TENM4: variants seen among roughly 807,000 people sequenced by gnomAD.
TENM4 encodes the protein teneurin-4.
A neutral mutation model predicts 243.3 loss-of-function variants in TENM4; 82 were observed. That is an observed-to-expected ratio of 0.34 (90% confidence interval 0.28 to 0.40). TENM4 has a LOEUF of 0.40. TENM4 is among the 10% of genes least tolerant of loss of function. TENM4 has a pLI of 1.00. For synonymous variants in TENM4, 1,412 were observed against 1,456.3 expected (o/e 0.97, Z 0.69); for missense variants, 3,138 against 3,673.3 (o/e 0.85, Z 3.77).
At chr11:79,114,997 T>C (rs1861589244) in intron 4 of TENM4, among the ~76,000 whole-genome samples, 2 of 152,164 alleles carry the variant, frequency 1.3e-5, no homozygotes, top group South Asian at 2.1e-4. Context: ...GCAGATCAAG[T>C]CTGTCCCTGC....
At chr11:79,302,919 C>T (rs1856572323) in intron 1 of TENM4, among the ~76,000 whole-genome samples, 1 of 152,108 alleles carries the variant, frequency 6.6e-6, no homozygotes, top group Non-Finnish European at 1.5e-5. Context: ...TCATCTTAGG[C>T]CACTAACATA....
intron 4 of TENM4, among the ~76,000 whole-genome samples, chr11:79,103,213 G>A (rs947422565): frequency 2.0e-5 from 3 of 152,086 alleles, no homozygotes; most frequent in Admixed American, 6.5e-5. Flanking sequence ...AGGAGGGTGG[G>A]GATGCCCCCT....
chr11:79,269,375 T>C (rs1265032845), intron 2 of TENM4, among the ~76,000 whole-genome samples: 2 of 152,228 alleles, frequency 1.3e-5, no homozygotes, highest in Non-Finnish European at 2.9e-5. Flanking sequence ...AGCCAGAGAA[T>C]GTGTCTACTT....
chr11:79,358,956 T>A (rs1857544537), intron 1 of TENM4, among the ~76,000 whole-genome samples: 1 of 152,008 alleles, frequency 6.6e-6, no homozygotes, highest in Non-Finnish European at 1.5e-5. Flanking sequence ...AGGCATTTTT[T>A]TTTTTTTTTG....
intron 2 of TENM4, among the ~76,000 whole-genome samples, chr11:79,227,333 C>T (rs575069840): frequency 1.3e-5 from 2 of 152,300 alleles, no homozygotes; most frequent in South Asian, 4.1e-4. Flanking sequence ...TGTTTAGCTT[C>T]TTAGCTGTTT....
intron 20 of TENM4, 115 bp from the exon 21 acceptor site, chr11:78,732,692 C>A: frequency 8.1e-7 from 1 of 1,234,098 alleles, no homozygotes; most frequent in Non-Finnish European, 1.1e-6. Flanking sequence ...CTCAGCATTT[C>A]TTGAGGGAGG....
intron 4 of TENM4, among the ~76,000 whole-genome samples, chr11:79,143,827 C>T (rs1862342051): frequency 6.6e-6 from 1 of 151,662 alleles, no homozygotes; most frequent in Non-Finnish European, 1.5e-5. Context: ...AAATGTAAGA[C>T]CTGAAACTAG....
chr11:78,730,091 A>G (rs1210334610), intron 21 of TENM4, among the ~76,000 whole-genome samples: 1 of 152,202 alleles, frequency 6.6e-6, no homozygotes, highest in Non-Finnish European at 1.5e-5. Flanking sequence ...GTTATCCTAG[A>G]AAGCTCACGG....
At chr11:78,670,865 C>T in intron 31 of TENM4, among the ~76,000 whole-genome samples, 1 of 152,202 alleles carries the variant, frequency 6.6e-6, no homozygotes, top group East Asian at 1.9e-4. Flanking sequence ...TGGTGAGCAG[C>T]CTCGTGGGTT....
intron 18 of TENM4, among the ~76,000 whole-genome samples, chr11:78,770,509 T>C (rs1856624683): frequency 6.6e-6 from 1 of 152,234 alleles, no homozygotes; most frequent in Non-Finnish European, 1.5e-5. Flanking sequence ...GCCATTTCTA[T>C]TACAAAAGGT....
At chr11:78,776,037 T>C (rs1204280085) in intron 17 of TENM4, among the ~76,000 whole-genome samples, 1 of 152,190 alleles carries the variant, frequency 6.6e-6, no homozygotes, top group Non-Finnish European at 1.5e-5. Context: ...TTTCTCTTAC[T>C]GGTCCTCTTG....
At chr11:78,976,036 A>C (rs923459707) in intron 6 of TENM4, among the ~76,000 whole-genome samples, 4 of 152,228 alleles carry the variant, frequency 2.6e-5, no homozygotes, top group Non-Finnish European at 5.9e-5. Flanking sequence ...CCCTATGCCC[A>C]CATGCTTCCG....
At chr11:78,805,241 A>G in intron 15 of TENM4, 51 bp downstream of exon 15, 7 of 137,256 alleles carry the variant, frequency 5.1e-5, no homozygotes, top group Middle Eastern at 2.3e-3. Context: ...TGACCATGTC[A>G]CAGTGGAAAT....
chr11:79,213,679 C>G (rs1863994189), intron 3 of TENM4, among the ~76,000 whole-genome samples: 1 of 152,152 alleles, frequency 6.6e-6, no homozygotes, highest in African/African-American at 2.4e-5. Context: ...GAGAAAGCCC[C>G]CGGTGAGAGA....
At chr11:79,419,336 G>A (rs1858882899) in intron 1 of TENM4, among the ~76,000 whole-genome samples, 1 of 152,148 alleles carries the variant, frequency 6.6e-6, no homozygotes, top group Non-Finnish European at 1.5e-5. Context: ...CAGAGCACTT[G>A]GGAACAGGGC....
intron 9 of TENM4, among the ~76,000 whole-genome samples, chr11:78,882,134 C>A (rs1167148493): frequency 6.6e-6 from 1 of 152,176 alleles, no homozygotes; most frequent in African/African-American, 2.4e-5. Flanking sequence ...GGAAAATGAG[C>A]CTTACTGCAC....
intron 25 of TENM4, among the ~76,000 whole-genome samples, chr11:78,719,821 TGG>T (rs1363857386): frequency 1.3e-5 from 2 of 152,218 alleles, no homozygotes; most frequent in African/African-American, 2.4e-5. Flanking sequence ...AAACCTACTC[TGG>T]GACAAAGTTC....
intron 9 of TENM4, among the ~76,000 whole-genome samples, chr11:78,865,190 A>G (rs1199936415): frequency 3.9e-5 from 6 of 152,246 alleles, no homozygotes; most frequent in Admixed American, 2.0e-4. Context: ...AGAGCATTAC[A>G]AGCAATAATT....
chr11:78,996,244 G>A (rs1468708477), intron 6 of TENM4, among the ~76,000 whole-genome samples: 1 of 152,172 alleles, frequency 6.6e-6, no homozygotes, highest in East Asian at 1.9e-4. Context: ...CACACCCTAA[G>A]AGAACTAGTA....
Sources: gnomAD v4.1 joint callset for allele counts (sites outside exome capture counted in the v4.1 genomes callset) on GRCh38, gnomAD v4.1.1 for gene constraint, MANE v1.5 for transcripts, NCBI Gene and HGNC (gene_info 2026-07-23, HGNC 2026-07-21) for gene names.